The following RFC3 variants were observed in gnomAD, a reference collection of about 807,000 sequenced individuals.
RFC3 encodes the protein A1 38 kDa subunit.
A neutral mutation model predicts 45.1 loss-of-function variants in RFC3; 41 were observed. That is an observed-to-expected ratio of 0.91 (90% confidence interval 0.71 to 1.18). RFC3 has a LOEUF of 1.18. Among genes scored for constraint, RFC3 ranks in the 50% most tolerant of loss-of-function variants. The probability of loss-of-function intolerance (pLI) is 0.00; values close to 1 mark genes in which losing one functional copy is unlikely to be tolerated. For synonymous variants in RFC3, 149 were observed against 144.0 expected (o/e 1.03, Z -0.25); for missense variants, 423 against 428.1 (o/e 0.99, Z 0.10).
chr13:33,872,802 C>CCT (rs1555235500), intron 8 of RFC3, among the ~76,000 whole-genome samples: 39 of 133,338 alleles, frequency 2.9e-4, no homozygotes, highest in African/African-American at 1.1e-3. Context: ...ACCCCCCCCC[C>CCT]CAAAATACAT....
intron 8 of RFC3, among the ~76,000 whole-genome samples, chr13:33,884,180 AG>A (rs2082504929): frequency 6.6e-6 from 1 of 152,234 alleles, no homozygotes; most frequent in Non-Finnish European, 1.5e-5. Flanking sequence ...ACTGTTTTCA[AG>A]GATACACGAT....
intron 8 of RFC3, among the ~76,000 whole-genome samples, chr13:33,873,911 T>G (rs1304160948): frequency 6.6e-6 from 1 of 152,190 alleles, no homozygotes; most frequent in Admixed American, 6.5e-5. Flanking sequence ...CTTTAAATAG[T>G]CTAAGATTCT....
chr13:33,848,194 C>T (rs1237219704), intron 8 of RFC3: 2 of 152,222 alleles, frequency 1.3e-5, no homozygotes, highest in African/African-American at 2.4e-5. Context: ...TTGATCTCTT[C>T]CAGCCCAAAG....
chr13:33,834,298 G>GTGTGTGTATA (rs1302839326), intron 7 of RFC3, among the ~76,000 whole-genome samples: 20 of 109,204 alleles, frequency 1.8e-4, no homozygotes, highest in African/African-American at 7.8e-4. Context: ...TGTACTGTGT[G>GTGTGTGTATA]TATATATATA....
chr13:33,827,763 G>C (rs1289011453), intron 4 of RFC3, among the ~76,000 whole-genome samples: 1 of 152,056 alleles, frequency 6.6e-6, no homozygotes, highest in East Asian at 1.9e-4. Context: ...TCCTCTGCTC[G>C]TCTTTCTTGC....
chr13:33,893,360 A>G (rs2082575600), intron 8 of RFC3, among the ~76,000 whole-genome samples: 1 of 152,198 alleles, frequency 6.6e-6, no homozygotes, highest in Non-Finnish European at 1.5e-5. Context: ...ACAACCTAGC[A>G]CTGAAGAATC....
chr13:33,894,276 T>C (rs947897532), intron 8 of RFC3, among the ~76,000 whole-genome samples: 11 of 152,076 alleles, frequency 7.2e-5, no homozygotes, highest in African/African-American at 2.7e-4. Flanking sequence ...CCCTACCCAG[T>C]ACTGGAGCTG....
intron 8 of RFC3, among the ~76,000 whole-genome samples, chr13:33,923,450 T>C (rs564545204): frequency 1.8e-4 from 28 of 151,980 alleles, no homozygotes; most frequent in African/African-American, 6.5e-4. Context: ...TGGTGCATAG[T>C]TGGGGGTGAG....
chr13:33,821,633 T>C (rs951435704), intron 2 of RFC3, among the ~76,000 whole-genome samples: 13 of 152,112 alleles, frequency 8.5e-5, no homozygotes, highest in Non-Finnish European at 1.5e-4. Context: ...TTGAGAAAAA[T>C]GTTAAACATG....
Position 33,882,481 on chromosome 13 carries a change from G to C in RFC3, c.879+47264G>C, listed in dbSNP as rs562679711. On this transcript the variant is annotated intron_variant, in intron 8 of 8. Transcript: ENST00000434425. ...TTTGGGATGTGATTAGATTATGAGG[G>C]TGGAGCCCTCATGATGGGATTAGTG... Among the ~76,000 whole-genome samples, 22 of 152,250 alleles carry C rather than the reference G, an allele frequency of 1.4e-4. 1 individual carries two copies. The highest frequency in any genetic ancestry group is 5.3e-4 in the African/African-American group (22 of 41,560).
intron 8 of RFC3, among the ~76,000 whole-genome samples, chr13:33,946,881 G>A (rs955658273): frequency 2.6e-5 from 4 of 152,158 alleles, no homozygotes; most frequent in Admixed American, 1.3e-4. Context: ...CTTTTTGTAC[G>A]CAGCTATAAT....
chr13:33,905,992 C>G (rs781641624), intron 8 of RFC3, among the ~76,000 whole-genome samples: 18 of 152,164 alleles, frequency 1.2e-4, no homozygotes, highest in Non-Finnish European at 1.9e-4. Context: ...TTTGTCTTCA[C>G]AAATTACTTC....
At chr13:33,821,708 G>A (rs2082005294) in intron 2 of RFC3, among the ~76,000 whole-genome samples, 1 of 152,206 alleles carries the variant, frequency 6.6e-6, no homozygotes, top group Non-Finnish European at 1.5e-5. Context: ...GCAACTCTGG[G>A]AAGTTGAGAG....
rs560569122 is a variant in RFC3 at position 33,939,436 on chromosome 13, A to G, written c.880-26651A>G. On this transcript the variant is annotated intron_variant, in intron 8 of 8. Transcript: ENST00000434425. ...TGGGTGAACACACCAAGGTGCTCGG[A>G]AGGTGGTGCACCCAAGAGGGTAAGG... Among the ~76,000 whole-genome samples the G allele has an allele frequency of 3.9e-5, 6 of 152,254 alleles. No homozygotes were observed. In the South Asian group the frequency reaches 1.2e-3, roughly 32 times the overall value.
chr13:33,886,008 T>A (rs971975149), intron 8 of RFC3, among the ~76,000 whole-genome samples: 4 of 150,932 alleles, frequency 2.7e-5, no homozygotes, highest in African/African-American at 9.7e-5. Context: ...CATGGAGGAC[T>A]TTTTCTCCCT....
At chr13:33,970,864 C>CT (rs903308288), downstream of RFC3, among the ~76,000 whole-genome samples, 1 of 152,170 alleles carries the variant, frequency 6.6e-6, no homozygotes, top group African/African-American at 2.4e-5. Context: ...CATGCAGAGA[C>CT]TGATCAGGTT....
In RFC3 at chr13:33,887,559, C is replaced by T. The variant is rs990610728; in HGVS notation, c.879+52342C>T. On this transcript the variant is annotated intron_variant, in intron 8 of 8. Coordinates refer to the RFC3 transcript ENST00000434425. ...AGCCCTTTGTCAGATGAGTAGGTTG[C>T]GAAAATTTTCTCCCATTTTGTAGGT... Among the ~76,000 whole-genome samples, 835 of 151,772 alleles carry T rather than the reference C, an allele frequency of 5.5e-3. 9 individuals are homozygous for T. Among genetic ancestry groups the T allele is most frequent in the Non-Finnish European group, 8.2e-3 (559 of 67,766 alleles).
chr13:33,929,764 T>A (rs1249371263), intron 8 of RFC3, among the ~76,000 whole-genome samples: 1 of 152,114 alleles, frequency 6.6e-6, no homozygotes, highest in Non-Finnish European at 1.5e-5. Flanking sequence ...AGTAATTTTC[T>A]GAACTTTCCC....
At chr13:33,904,646 G>A (rs1457465721) in intron 8 of RFC3, among the ~76,000 whole-genome samples, 2 of 152,064 alleles carry the variant, frequency 1.3e-5, no homozygotes, top group African/African-American at 4.8e-5. Flanking sequence ...GAAAGCGTCA[G>A]GATAGAGTCC....
Sources: allele counts gnomAD v4.1 joint callset (sites outside exome capture counted in the v4.1 genomes callset), GRCh38; gene constraint gnomAD v4.1.1; transcripts MANE v1.5; gene names NCBI Gene and HGNC (gene_info 2026-07-23, HGNC 2026-07-21).